Variants in AFF4 observed in about 807,000 individuals in gnomAD.
AFF4 encodes ALF transcription elongation factor 4.
A neutral mutation model predicts 124.8 loss-of-function variants in AFF4; 13 were observed. The ratio of observed to expected loss-of-function variants is 0.10; its 90% CI spans 0.07 to 0.17. AFF4 has a LOEUF of 0.17. AFF4 is among the 10% of genes least tolerant of loss of function. The pLI, the probability that AFF4 is intolerant of heterozygous loss-of-function variation, is 1.00. For synonymous variants in AFF4, 477 were observed against 496.1 expected (o/e 0.96, Z 0.51); for missense variants, 1,092 against 1,403.8 (o/e 0.78, Z 3.55).
At position 132,896,453 on chromosome 5, in the gene AFF4, A is replaced by T. The variant is rs1182621951; in HGVS notation, c.2177T>A (p.Ile726Lys). 3 of 1,614,102 alleles carry T rather than the reference A, an allele frequency of 1.9e-6. No individual in the cohort carries two copies. In the African/African-American group the frequency reaches 4.0e-5, roughly 22 times the overall value. The change falls in exon 11 of 21, where the codon ATA becomes AAA. Residue 726 changes from isoleucine (I) to lysine (K), a missense_variant. Coordinates refer to ENST00000265343, the MANE Select transcript of AFF4 (RefSeq NM_014423.4). The stretch of plus-strand genomic sequence containing the variant: ...TGTTTCTTTGTAAGGCTTTCCTGGT[A>T]TTCTAGTCAAAAGATTCAGGTCAAT... ...VKIDLNLLTR[I>K]PGKPYKETEP...
intron 5 of AFF4, among the ~76,000 whole-genome samples, chr5:132,905,093 A>C (rs551801472): frequency 2.3e-4 from 35 of 152,208 alleles, no homozygotes; most frequent in African/African-American, 7.9e-4. Context: ...GACTAAAAAA[A>C]TCCCATATGG....
At chr5:132,905,074 A>G (rs1342845463) in intron 5 of AFF4, among the ~76,000 whole-genome samples, 1 of 149,330 alleles carries the variant, frequency 6.7e-6, no homozygotes, top group Admixed American at 6.7e-5. Context: ...AAAGTATACC[A>G]CTTTTATGGA....
In AFF4 at chr5:132,877,568, C is replaced by A. The variant is rs961502969; in HGVS notation, c.*3491G>T. 1 of 208,598 alleles carries A rather than the reference C, an allele frequency of 4.8e-6. No individual in the cohort carries two copies. The allele number at this position is 208,598 out of a possible 1,614,324, so 12.9% of individuals were successfully genotyped here. Reference sequence around the variant, plus strand: ...GTGTATGTGTACAGAATTTTAAGATCCAAAGTTGCATACCCTTACACCTAG... The same window carrying A: ...GTGTATGTGTACAGAATTTTAAGATACAAAGTTGCATACCCTTACACCTAG... On this transcript the variant is annotated 3_prime_UTR_variant, in exon 21 of 21. Coordinates refer to ENST00000265343, the MANE Select transcript of AFF4 (RefSeq NM_014423.4).
At position 132,892,253 on chromosome 5, in the gene AFF4, CCTT is replaced by C; in HGVS notation, c.2545_2547del (p.Lys849del). On this transcript the variant is annotated inframe_deletion, in exon 13 of 21. Transcript: ENST00000265343. ...CTGTTTTTGCTGCTGCCACTCGTCT[CCTT>C]GTTGCTGTTACTGCTTGACTTTAAG... is the stretch of plus-strand genomic sequence containing the variant. 1.2e-6 allele frequency: 2 copies of C among 1,614,060 alleles called. No individual in the cohort carries two copies. The highest frequency in any genetic ancestry group is 1.7e-6 in the Non-Finnish European group (2 of 1,180,014).
intron 5 of AFF4, among the ~76,000 whole-genome samples, chr5:132,916,922 T>C (rs1408504110): frequency 6.6e-6 from 1 of 152,082 alleles, no homozygotes; most frequent in Non-Finnish European, 1.5e-5. Flanking sequence ...CGTTTTTTGT[T>C]TTTTTTTGTT....
At chr5:132,932,258 C>G (rs770107849) in intron 3 of AFF4, 36 bp from the exon 4 acceptor site, 2 of 1,575,154 alleles carry the variant, frequency 1.3e-6, no homozygotes, top group Non-Finnish European at 1.7e-6. Context: ...AGATTTTTAT[C>G]AGTAGATTTT....
chr5:132,934,913 C>A lies in AFF4; in HGVS notation c.152G>T (p.Arg51Leu). The change falls in exon 3 of 21, where the codon CGT becomes CTT. Residue 51 changes from arginine to leucine, a missense_variant. Arg to Leu is a moderately radical substitution (Grantham distance 102, BLOSUM62 -2). Coordinates refer to ENST00000265343, the MANE Select transcript of AFF4 (RefSeq NM_014423.4). The part of the protein sequence containing the change: ...VTSKEDKLSS[R>L]IQSMLGNYDE... ...GTAGTTTCCAAGCATACTCTGAATA[C>A]GACTTGATAACTTATCTTCTTTGCT... 1 of 1,597,194 alleles carries A rather than the reference C, an allele frequency of 6.3e-7. No individual in the cohort carries two copies. Among genetic ancestry groups the A allele is most frequent in the Non-Finnish European group, 8.5e-7 (1 of 1,172,812 alleles).
At chr5:132,886,487 A>G in intron 17 of AFF4, 84 bp from the exon 18 acceptor site, 1 of 1,235,932 alleles carries the variant, frequency 8.1e-7, no homozygotes, top group South Asian at 1.3e-5. Flanking sequence ...ATTGTGCAGG[A>G]GACTGGCTCA....
chr5:132,948,465 G>C (rs1761752067), intron 1 of AFF4: 1 of 152,636 alleles, frequency 6.6e-6, no homozygotes, highest in African/African-American at 2.4e-5. Context: ...AAATCAGAGA[G>C]AGGCAGCTCC....
rs180787316 is a variant in AFF4, at chr5:132,913,030, T to C, written c.1051-8626A>G. Among the ~76,000 whole-genome samples, 1,032 of 152,272 alleles carry C rather than the reference T, an allele frequency of 6.8e-3. 8 individuals carry two copies. Among genetic ancestry groups the C allele is most frequent in the Non-Finnish European group, 0.01 (697 of 68,008 alleles). ...ATATTTAAAAAGCACAACAAAATCA[T>C]ATACTACCTACAAGAAATGCATTTT... is the stretch of plus-strand genomic sequence containing the variant. On this transcript the variant is annotated intron_variant, in intron 5 of 20. Transcript: ENST00000265343.
At chr5:132,888,768 G>C (rs1457050039) in intron 14 of AFF4, among the ~76,000 whole-genome samples, 1 of 152,026 alleles carries the variant, frequency 6.6e-6, no homozygotes, top group African/African-American at 2.4e-5. Context: ...CACAATCTCG[G>C]CTCACTGCAA....
At position 132,934,639 on chromosome 5, in the gene AFF4, A is replaced by G; in HGVS notation, c.426T>C (p.Ser142=). The change falls in exon 3 of 21, where the codon AGT becomes AGC. Residue 142 remains serine (S), a synonymous_variant. Coordinates refer to ENST00000265343, the MANE Select transcript of AFF4 (RefSeq NM_014423.4). Reference sequence around the variant, plus strand: ...GCCTCTGACCACTACTGTTAGTGCCACTACTGCTACCTGCGCTGGTCCGCT... The same window carrying G: ...GCCTCTGACCACTACTGTTAGTGCCGCTACTGCTACCTGCGCTGGTCCGCT... ...SSQRTSAGSS[S]GTNSSGQRHD... The G allele has an allele frequency of 6.2e-7, 1 of 1,614,038 alleles. No homozygotes were observed. The highest frequency in any genetic ancestry group is 1.1e-5 in the South Asian group (1 of 91,068).
In AFF4 at chr5:132,879,059, A is replaced by G; in HGVS notation, c.*2000T>C. ...CCTCTTATGGAAAACTGTTCCTAGA[A>G]CACACTAAGATTAAGTTAGAAAGAT... On this transcript the variant is annotated 3_prime_UTR_variant, in exon 21 of 21. Coordinates refer to ENST00000265343, the MANE Select transcript of AFF4 (RefSeq NM_014423.4). 1 of 221,930 alleles carries G rather than the reference A, an allele frequency of 4.5e-6. No individual in the cohort carries two copies. The highest frequency in any genetic ancestry group is 9.0e-6 in the Non-Finnish European group (1 of 111,132). The allele number at this position is 221,930 out of a possible 1,614,324, so 13.7% of individuals were successfully genotyped here. A position where few individuals can be genotyped will look rare whatever the true frequency, so the allele number is the denominator to read the frequency against.
At chr5:132,920,409 T>G (rs1581304980) in intron 5 of AFF4, among the ~76,000 whole-genome samples, 1 of 147,312 alleles carries the variant, frequency 6.8e-6, no homozygotes, top group Admixed American at 7.0e-5. Flanking sequence ...TAGGCTGGAG[T>G]GCAGTGGCAT....
intron 5 of AFF4, among the ~76,000 whole-genome samples, chr5:132,905,751 C>G (rs1176582613): frequency 6.6e-6 from 1 of 152,090 alleles, no homozygotes; most frequent in Admixed American, 6.5e-5. Flanking sequence ...AATGCCAAAT[C>G]TAAATGACCT....
At chr5:132,911,169 A>G (rs1263341296) in intron 5 of AFF4, among the ~76,000 whole-genome samples, 2 of 152,136 alleles carry the variant, frequency 1.3e-5, no homozygotes, top group Non-Finnish European at 2.9e-5. Flanking sequence ...AAATAACAAA[A>G]TATCTTCATC....
At chr5:132,916,706 G>T (rs1760919616) in intron 5 of AFF4, among the ~76,000 whole-genome samples, 1 of 152,016 alleles carries the variant, frequency 6.6e-6, no homozygotes, top group African/African-American at 2.4e-5. Flanking sequence ...CTCTGTTATT[G>T]ACTTGCTGTG....
intron 7 of AFF4, chr5:132,901,100 G>A: frequency 1.0e-6 from 1 of 985,422 alleles, no homozygotes; most frequent in Non-Finnish European, 1.2e-6. Context: ...TCAGACAGGG[G>A]CTTAGTGCAT....
chr5:132,901,129 T>C (rs1401270639), intron 7 of AFF4: 8 of 985,446 alleles, frequency 8.1e-6, no homozygotes, highest in Non-Finnish European at 8.4e-6. Context: ...ACGACTGATT[T>C]TCCTCTAAGG....
Sources: gnomAD v4.1 joint callset for allele counts (sites outside exome capture counted in the v4.1 genomes callset) on GRCh38, gnomAD v4.1.1 for gene constraint, MANE v1.5 for transcripts, NCBI Gene and HGNC (gene_info 2026-07-23, HGNC 2026-07-21) for gene names.